The following NAMPT variants were observed in gnomAD, a reference collection of about 807,000 sequenced individuals.
The protein encoded by NAMPT is nicotinamide phosphoribosyltransferase.
A neutral mutation model predicts 58.7 loss-of-function variants in NAMPT; 7 were observed. The observed-to-expected ratio is 0.12, with a 90% CI of 0.07 to 0.22. NAMPT has a LOEUF of 0.22. Ranked by LOEUF, NAMPT falls within the 10% of genes least tolerant of loss-of-function variation. The probability of loss-of-function intolerance (pLI) is 1.00; values close to 1 mark genes in which losing one functional copy is unlikely to be tolerated. For synonymous variants in NAMPT, 145 were observed against 198.1 expected (o/e 0.73, Z 2.25); for missense variants, 271 against 567.9 (o/e 0.48, Z 5.31).
At chr7:106,259,510 C>T (rs536979097) in intron 8 of NAMPT, among the ~76,000 whole-genome samples, 2 of 152,138 alleles carry the variant, frequency 1.3e-5, no homozygotes, top group Admixed American at 1.3e-4. Context: ...ACACTACAGC[C>T]TCTGCCTCCC....
intron 1 of NAMPT, among the ~76,000 whole-genome samples, chr7:106,283,275 T>C (rs917773873): frequency 2.0e-5 from 3 of 152,162 alleles, no homozygotes; most frequent in Admixed American, 1.3e-4. Flanking sequence ...TAGAAACCTT[T>C]AAGATAATTC....
chr7:106,263,673 G>C, intron 6 of NAMPT, 56 bp from the exon 7 acceptor site: 1 of 1,293,314 alleles, frequency 7.7e-7, no homozygotes, highest in Non-Finnish European at 1.1e-6. Context: ...ATCTATCCCT[G>C]AATCACCTTT....
intron 10 of NAMPT, 28 bp downstream of exon 10, chr7:106,252,989 A>T (rs976593561): frequency 7.5e-6 from 12 of 1,600,174 alleles, no homozygotes; most frequent in African/African-American, 1.3e-5. Flanking sequence ...ACTATTGCTT[A>T]AAAAAACCAA....
At chr7:106,256,145 A>G (rs1792194891) in intron 8 of NAMPT, among the ~76,000 whole-genome samples, 1 of 152,254 alleles carries the variant, frequency 6.6e-6, no homozygotes, top group African/African-American at 2.4e-5. Flanking sequence ...TTAATATTTT[A>G]ATAAATCACT....
chr7:106,262,004 T>A (rs1792312409), intron 7 of NAMPT, among the ~76,000 whole-genome samples: 1 of 151,886 alleles, frequency 6.6e-6, no homozygotes, highest in African/African-American at 2.4e-5. Context: ...GAAAAAAAAA[T>A]CCTTAATATT....
intron 1 of NAMPT, 38 bp downstream of exon 1, chr7:106,284,790 C>T (rs1792838166): frequency 6.9e-7 from 1 of 1,452,692 alleles, no homozygotes; most frequent in South Asian, 1.3e-5. Context: ...CCCCAGCGCG[C>T]CCCGCTCCTC....
intron 1 of NAMPT, among the ~76,000 whole-genome samples, chr7:106,278,409 A>G (rs1792693328): frequency 6.6e-6 from 1 of 152,140 alleles, no homozygotes; most frequent in South Asian, 2.1e-4. Context: ...GTTTAAGTCA[A>G]GCAGGAGACT....
chr7:106,282,450 C>CCGGACAG (rs1188205195), intron 1 of NAMPT, among the ~76,000 whole-genome samples: 3 of 152,220 alleles, frequency 2.0e-5, no homozygotes, highest in Admixed American at 1.3e-4. Flanking sequence ...GCAACCTACA[C>CCGGACAG]CGGACAGCAC....
At chr7:106,256,010 A>G (rs1414304646) in intron 8 of NAMPT, among the ~76,000 whole-genome samples, 4 of 152,358 alleles carry the variant, frequency 2.6e-5, no homozygotes, top group African/African-American at 7.2e-5. Context: ...TTTCTTTACC[A>G]AAAGTTTTAA....
intron 6 of NAMPT, among the ~76,000 whole-genome samples, chr7:106,268,070 A>G (rs1411595320): frequency 6.6e-6 from 1 of 151,948 alleles, no homozygotes; most frequent in Admixed American, 6.6e-5. Context: ...TACAGATGAC[A>G]ATTTCTAGGG....
chr7:106,262,145 C>A (rs1335828941), intron 7 of NAMPT, among the ~76,000 whole-genome samples: 8 of 152,018 alleles, frequency 5.3e-5, no homozygotes, highest in Non-Finnish European at 8.8e-5. Context: ...CAATATGAAT[C>A]CAGTTCAATC....
At chr7:106,272,756 T>A in intron 3 of NAMPT, 98 bp from the exon 4 acceptor site, 7 of 1,332,082 alleles carry the variant, frequency 5.3e-6, no homozygotes, top group Non-Finnish European at 7.4e-6. Context: ...AAGCTAAATT[T>A]ACTGTCATAG....
chr7:106,254,268 G>A (rs926038410), intron 9 of NAMPT, 96 bp downstream of exon 9: 17 of 1,376,888 alleles, frequency 1.2e-5, no homozygotes, highest in East Asian at 4.6e-5. Flanking sequence ...AACAGTCCAC[G>A]GCCACATCAA....
chr7:106,285,124 C>A (rs572828622), upstream of NAMPT: 7 of 1,309,178 alleles, frequency 5.3e-6, no homozygotes, highest in Non-Finnish European at 3.9e-6. Flanking sequence ...CTGGCGGACT[C>A]CCCACCTCGG....
At position 106,253,014 on chromosome 7, in the gene NAMPT, T is replaced by C. The variant is rs768691703; in HGVS notation, c.1365+3A>G. Reference sequence around the variant, plus strand: ...AAAAAAACCAATCAGCATAGATACATACCTGACCATATTCCTCAAGGTCTC... The same window carrying C: ...AAAAAAACCAATCAGCATAGATACACACCTGACCATATTCCTCAAGGTCTC... On this transcript the variant is annotated splice_donor_region_variant and intron_variant, in intron 10 of 10. Transcript: ENST00000222553. The C allele has an allele frequency of 1.2e-6, 2 of 1,613,070 alleles. No homozygotes were observed. The highest frequency in any genetic ancestry group is 4.5e-5 in the East Asian group (2 of 44,844).
chr7:106,271,861 C>G (rs1792541020), intron 4 of NAMPT: 1 of 158,372 alleles, frequency 6.3e-6, no homozygotes, highest in Non-Finnish European at 1.5e-5. Context: ...GGTATTTCCT[C>G]TCACGGATTA....
chr7:106,264,792 T>A (rs1330885285), intron 6 of NAMPT, among the ~76,000 whole-genome samples: 1 of 152,066 alleles, frequency 6.6e-6, no homozygotes, highest in East Asian at 1.9e-4. Context: ...TCATTTATTA[T>A]AAAGCCCAAG....
At chr7:106,251,224 A>AC in intron 10 of NAMPT, 31 bp from the exon 11 acceptor site, 1 of 1,422,386 alleles carries the variant, frequency 7.0e-7, no homozygotes, top group Non-Finnish European at 9.9e-7. Context: ...TGATTATATT[A>AC]CATTATTAAG....
intron 8 of NAMPT, among the ~76,000 whole-genome samples, chr7:106,260,708 C>G (rs76239059): frequency 0.039 from 5,924 of 152,242 alleles, 131 homozygotes; most frequent in Middle Eastern, 0.12. Context: ...CTTGAATACT[C>G]AGAGGCCACT....
Sources: gnomAD v4.1 joint callset for allele counts (sites outside exome capture counted in the v4.1 genomes callset) on GRCh38, gnomAD v4.1.1 for gene constraint, MANE v1.5 for transcripts, NCBI Gene and HGNC (gene_info 2026-07-23, HGNC 2026-07-21) for gene names.